PDE7A: variants seen among roughly 807,000 people sequenced by gnomAD.
The protein encoded by PDE7A is high affinity 3',5'-cyclic-AMP phosphodiesterase 7A.
PDE7A carries 39 observed loss-of-function variants against 64.3 expected under a neutral mutation model. That is an observed-to-expected ratio of 0.61 (90% CI 0.47 to 0.79). The LOEUF (loss-of-function observed/expected upper bound fraction) is 0.79. Ranked by LOEUF, PDE7A falls within the 30% of genes least tolerant of loss-of-function variation. PDE7A has a pLI of 0.00. For missense variants in PDE7A, 470 were observed against 582.8 expected (o/e 0.81, Z 1.99); for synonymous variants, 203 against 206.8 (o/e 0.98, Z 0.16).
At chr8:65,739,893 A>G (rs1017781804) in intron 5 of PDE7A, among the ~76,000 whole-genome samples, 1 of 152,212 alleles carries the variant, frequency 6.6e-6, no homozygotes, top group African/African-American at 2.4e-5. Flanking sequence ...AATAGACAAT[A>G]GAAAACTTTA....
intron 3 of PDE7A, among the ~76,000 whole-genome samples, chr8:65,774,354 CT>C (rs1809197549): frequency 6.6e-6 from 1 of 152,126 alleles, no homozygotes; most frequent in Non-Finnish European, 1.5e-5. Flanking sequence ...TAAAATTACT[CT>C]GAATGGTTCC....
chr8:65,791,021 G>C (rs1809687410), intron 1 of PDE7A, among the ~76,000 whole-genome samples: 1 of 152,128 alleles, frequency 6.6e-6, no homozygotes, highest in African/African-American at 2.4e-5. Context: ...TCGATGCTTG[G>C]CCCAGGGATG....
At chr8:65,768,011 G>A (rs545259310) in intron 3 of PDE7A, among the ~76,000 whole-genome samples, 21 of 152,104 alleles carry the variant, frequency 1.4e-4, no homozygotes, top group Middle Eastern at 3.4e-3. Context: ...TTAACCTGTG[G>A]GGTCTGACAC....
intron 7 of PDE7A, 73 bp from the exon 8 acceptor site, chr8:65,727,374 A>T: frequency 6.3e-7 from 1 of 1,578,484 alleles, no homozygotes; most frequent in Non-Finnish European, 8.6e-7. Context: ...AGTAGTTTTG[A>T]ATTAGCAGCC....
intron 1 of PDE7A, among the ~76,000 whole-genome samples, chr8:65,820,975 A>C (rs1810528344): frequency 6.6e-6 from 1 of 152,168 alleles, no homozygotes. Flanking sequence ...TTTTTATCCT[A>C]TTGACTTTCA....
chr8:65,730,171 C>CTTCTTTTTTTTTTTTTTTTTTTTTTTTT lies in PDE7A; in HGVS notation c.697-2871_697-2870insAAAAAAAAAAAAAAAAAAAAAAAAAGAA, dbSNP rs1295965698. 5.8e-5 allele frequency among the ~76,000 whole-genome samples: 5 copies of CTTCTTTTTTTTTTTTTTTTTTTTTTTTT among 86,434 alleles called. 2 individuals carry two copies. Among genetic ancestry groups the CTTCTTTTTTTTTTTTTTTTTTTTTTTTT allele is most frequent in the African/African-American group, 2.4e-4 (5 of 20,908 alleles). The allele number at this position is 86,434 out of a possible 152,430, so 56.7% of individuals were successfully genotyped here. A position where few individuals can be genotyped will look rare whatever the true frequency, so the allele number is the denominator to read the frequency against. ...TGTGAGGGATCCAGGTTGCGCACTT[C>CTTCTTTTTTTTTTTTTTTTTTTTTTTTT]TTTTTTTTTTTTTTTTTTTTTTTTT... On this transcript the variant is annotated intron_variant, in intron 7 of 12. Transcript: ENST00000401827.
Position 65,745,459 on chromosome 8 carries a change from T to G in PDE7A, c.447A>C (p.Glu149Asp). The change falls in exon 5 of 13, where the codon GAA (glutamate) becomes GAC (aspartate). Residue 149 changes from glutamate to aspartate, a missense_variant. Glu to Asp is a conservative substitution (Grantham distance 45). Coordinates refer to ENST00000401827, the MANE Select transcript of PDE7A (RefSeq NM_001242318.3). ...TATCAAAATTCCAATTTCCAACTTT[T>G]TCCAGCATACACTGAAATGAAAACC... ...DYNGQAKCML[E>D]KVGNWNFDIF... The G allele has an allele frequency of 2.6e-6, 4 of 1,556,774 alleles. No homozygotes were observed. Among genetic ancestry groups the G allele is most frequent in the Non-Finnish European group, 2.7e-6 (3 of 1,127,884 alleles).
chr8:65,785,760 A>G (rs1037896590), intron 1 of PDE7A, among the ~76,000 whole-genome samples: 1 of 152,220 alleles, frequency 6.6e-6, no homozygotes, highest in Non-Finnish European at 1.5e-5. Flanking sequence ...ACTCAGATAA[A>G]TAACTTGTTA....
At chr8:65,747,628 T>C in intron 4 of PDE7A, 24 bp downstream of exon 4, 4 of 1,515,244 alleles carry the variant, frequency 2.6e-6, no homozygotes, top group Non-Finnish European at 2.7e-6. Context: ...AAAATTAATG[T>C]TTTCTTAAAA....
intron 2 of PDE7A, among the ~76,000 whole-genome samples, chr8:65,780,462 G>C (rs892646036): frequency 2.0e-5 from 3 of 152,174 alleles, no homozygotes; most frequent in Non-Finnish European, 4.4e-5. Flanking sequence ...TGGAAGCTCA[G>C]TGTCGTTCCT....
At chr8:65,726,505 T>G (rs986784551) in intron 9 of PDE7A, among the ~76,000 whole-genome samples, 5 of 152,188 alleles carry the variant, frequency 3.3e-5, no homozygotes, top group African/African-American at 9.7e-5. Flanking sequence ...TAATAGAATG[T>G]TTACATTCCA....
chr8:65,761,980 T>C (rs1373290852), intron 3 of PDE7A, among the ~76,000 whole-genome samples: 2 of 152,192 alleles, frequency 1.3e-5, no homozygotes, highest in Admixed American at 6.5e-5. Context: ...CAGAAAAGCC[T>C]CTGGCTCTTG....
intron 1 of PDE7A, among the ~76,000 whole-genome samples, chr8:65,807,610 C>T (rs189718427): frequency 5.3e-5 from 8 of 152,276 alleles, no homozygotes; most frequent in African/African-American, 1.4e-4. Flanking sequence ...TGTTCCTGGT[C>T]CTACAGGGAA....
At chr8:65,729,283 A>G (rs1225536358) in intron 7 of PDE7A, among the ~76,000 whole-genome samples, 1 of 151,980 alleles carries the variant, frequency 6.6e-6, no homozygotes, top group East Asian at 1.9e-4. Context: ...TGTTCAGTGA[A>G]AAGCTTACTG....
At chr8:65,767,269 T>C (rs1339402174) in intron 3 of PDE7A, among the ~76,000 whole-genome samples, 1 of 152,188 alleles carries the variant, frequency 6.6e-6, no homozygotes, top group Non-Finnish European at 1.5e-5. Flanking sequence ...ACCAGCATAG[T>C]ATGAACGTTT....
intron 1 of PDE7A, among the ~76,000 whole-genome samples, chr8:65,800,363 T>C (rs145424848): frequency 2.0e-5 from 3 of 152,338 alleles, no homozygotes; most frequent in East Asian, 1.9e-4. Context: ...CTGAAGATCT[T>C]TGAATCTACC....
chr8:65,775,102 C>T (rs1401571034), intron 3 of PDE7A, among the ~76,000 whole-genome samples: 1 of 152,006 alleles, frequency 6.6e-6, no homozygotes, highest in Non-Finnish European at 1.5e-5. Flanking sequence ...CAAAATAGTC[C>T]ATTTCGATTC....
At chr8:65,820,395 C>CA (rs1050178898) in intron 1 of PDE7A, among the ~76,000 whole-genome samples, 7 of 150,102 alleles carry the variant, frequency 4.7e-5, no homozygotes, top group African/African-American at 9.8e-5. Flanking sequence ...GACCCTGTTT[C>CA]AAAAAAAAGA....
intron 1 of PDE7A, chr8:65,838,674 T>C (rs772469624): frequency 6.6e-6 from 1 of 152,248 alleles, no homozygotes; most frequent in Non-Finnish European, 1.5e-5. Context: ...TATTGTGTTA[T>C]ACAACACTCA....
Sources: gnomAD v4.1 joint callset for allele counts (sites outside exome capture counted in the v4.1 genomes callset) on GRCh38, gnomAD v4.1.1 for gene constraint, MANE v1.5 for transcripts, NCBI Gene and HGNC (gene_info 2026-07-23, HGNC 2026-07-21) for gene names.